The following CPEB3 variants were observed in gnomAD, a reference collection of about 807,000 sequenced individuals.
CPEB3 encodes cytoplasmic polyadenylation element-binding protein 3.
In CPEB3, 20 loss-of-function variants were observed where a neutral mutation model predicts 67.2. That is an observed-to-expected ratio of 0.30 (90% CI 0.21 to 0.43). CPEB3 has a LOEUF of 0.43. Among genes scored for constraint, CPEB3 ranks in the 20% least tolerant of loss-of-function variants. The pLI is 1.00. For synonymous variants in CPEB3, 376 were observed against 393.1 expected (o/e 0.96, Z 0.51); for missense variants, 746 against 968.6 (o/e 0.77, Z 3.05).
intron 2 of CPEB3, among the ~76,000 whole-genome samples, chr10:92,198,383 C>T (rs1001211990): frequency 2.0e-5 from 3 of 152,318 alleles, no homozygotes; most frequent in South Asian, 2.1e-4. Flanking sequence ...CTCACTTGCC[C>T]TTGGTCAATG....
chr10:92,142,277 G>A (rs978982027), intron 6 of CPEB3, among the ~76,000 whole-genome samples: 2 of 152,104 alleles, frequency 1.3e-5, no homozygotes, highest in Admixed American at 6.5e-5. Context: ...ACAATAATAC[G>A]TATCAAAAAG....
At chr10:92,256,296 A>G (rs1852508915) in intron 1 of CPEB3, among the ~76,000 whole-genome samples, 1 of 152,084 alleles carries the variant, frequency 6.6e-6, no homozygotes, top group African/African-American at 2.4e-5. Flanking sequence ...CTAAATCCTG[A>G]GTAATCATTC....
chr10:92,105,553 C>T (rs1844402130), intron 7 of CPEB3, among the ~76,000 whole-genome samples: 1 of 152,156 alleles, frequency 6.6e-6, no homozygotes, highest in South Asian at 2.1e-4. Flanking sequence ...GACACTTCAT[C>T]CAGGAAGTTT....
At chr10:92,181,186 C>T (rs1203661483) in intron 3 of CPEB3, among the ~76,000 whole-genome samples, 167 bp from the exon 4 acceptor site, 1 of 151,542 alleles carries the variant, frequency 6.6e-6, no homozygotes, top group Non-Finnish European at 1.5e-5. Context: ...AAAACATACA[C>T]ATGAAAAGTC....
At position 92,192,536 on chromosome 10, in the gene CPEB3, T is replaced by C. The variant is rs1356967315; in HGVS notation, c.1106A>G (p.Tyr369Cys). 3 of 1,613,572 alleles carry C rather than the reference T, an allele frequency of 1.9e-6. No individual in the cohort carries two copies. Among genetic ancestry groups the C allele is most frequent in the African/African-American group, 2.7e-5 (2 of 74,796 alleles). Residue 369 changes from tyrosine to cysteine, a missense_variant, in exon 3 of 10, where the codon TAC becomes TGC. By Grantham distance (194) the Tyr-to-Cys change is radical. Coordinates refer to ENST00000265997, the MANE Select transcript of CPEB3 (RefSeq NM_014912.5). ...ACTCATTGGTGGGCCACTGGGAGGG[T>C]AGTGTTTACCTTTCAGAGGTTCATG... The part of the protein sequence containing the change: ...TDHEPLKGKH[Y>C]PPSGPPMSFA...
At chr10:92,058,237 G>T (rs1225160243) in intron 9 of CPEB3, among the ~76,000 whole-genome samples, 1 of 152,062 alleles carries the variant, frequency 6.6e-6, no homozygotes, top group East Asian at 1.9e-4. Flanking sequence ...TCAACAAAAG[G>T]ATATCACAAT....
chr10:92,115,995 C>T (rs545922740), intron 6 of CPEB3, among the ~76,000 whole-genome samples: 2,119 of 151,504 alleles, frequency 0.014, 37 homozygotes, highest in African/African-American at 0.048. Context: ...ACAACAGTAT[C>T]AGTTTTCTTG....
chr10:92,101,395 C>T (rs191070210), intron 7 of CPEB3, among the ~76,000 whole-genome samples: 1 of 152,218 alleles, frequency 6.6e-6, no homozygotes, highest in Admixed American at 6.5e-5. Context: ...AAAAACAATA[C>T]TGCAGAACCA....
chr10:92,131,244 C>A, intron 6 of CPEB3, among the ~76,000 whole-genome samples: 1 of 152,150 alleles, frequency 6.6e-6, no homozygotes, highest in East Asian at 1.9e-4. Context: ...CAACACCTAA[C>A]CTCAGCTATA....
chr10:92,123,344 C>T (rs990108952), intron 6 of CPEB3, among the ~76,000 whole-genome samples: 2 of 151,562 alleles, frequency 1.3e-5, no homozygotes, highest in African/African-American at 4.9e-5. Context: ...TGGTCAAACT[C>T]GTTGGGTAAT....
intron 6 of CPEB3, among the ~76,000 whole-genome samples, chr10:92,125,453 G>A (rs1315140640): frequency 2.0e-5 from 3 of 152,230 alleles, no homozygotes; most frequent in African/African-American, 7.2e-5. Flanking sequence ...TTGCACAGCA[G>A]ATGCCAGCTC....
chr10:92,217,206 C>CAAAAAAAAAAAAAAAAA (rs1163974877), intron 2 of CPEB3, among the ~76,000 whole-genome samples: 2 of 25,450 alleles, frequency 7.9e-5, no homozygotes, highest in African/African-American at 3.7e-4. Context: ...GACTCTGCCT[C>CAAAAAAAAAAAAAAAAA]AAAAAAAAAA....
At chr10:92,254,336 CT>C (rs777252082) in intron 1 of CPEB3, among the ~76,000 whole-genome samples, 59 of 152,022 alleles carry the variant, frequency 3.9e-4, no homozygotes, top group Non-Finnish European at 7.9e-4. Context: ...ACCTAGAAAG[CT>C]TTTAAAAATG....
At chr10:92,279,177 T>C (rs529727588) in intron 1 of CPEB3, among the ~76,000 whole-genome samples, 1 of 152,296 alleles carries the variant, frequency 6.6e-6, no homozygotes, top group African/African-American at 2.4e-5. Context: ...TACAGATTTT[T>C]TTGTAGATGC....
intron 6 of CPEB3, among the ~76,000 whole-genome samples, chr10:92,141,292 T>C (rs1846404309): frequency 6.6e-6 from 1 of 151,628 alleles, no homozygotes; most frequent in South Asian, 2.1e-4. Flanking sequence ...CATGGAATAC[T>C]ATGCAGCCAT....
intron 1 of CPEB3, among the ~76,000 whole-genome samples, chr10:92,289,734 T>TAG (rs1564936611): frequency 2.0e-5 from 1 of 48,954 alleles, no homozygotes; most frequent in Non-Finnish European, 3.6e-5. Context: ...AAAAAAAAAA[T>TAG]ATATATATAT....
chr10:92,229,279 C>T (rs1402575678), intron 2 of CPEB3, among the ~76,000 whole-genome samples: 2 of 152,076 alleles, frequency 1.3e-5, no homozygotes, highest in Non-Finnish European at 2.9e-5. Context: ...AGCAGTCCTC[C>T]CACCTTGGCC....
intron 1 of CPEB3, among the ~76,000 whole-genome samples, chr10:92,261,443 T>C (rs907959167): frequency 2.3e-4 from 35 of 151,978 alleles, no homozygotes; most frequent in Middle Eastern, 6.8e-3. Context: ...TTTTCTGTTT[T>C]GTTTTGTTTT....
At chr10:92,126,709 G>A (rs1031314244) in intron 6 of CPEB3, among the ~76,000 whole-genome samples, 2 of 152,128 alleles carry the variant, frequency 1.3e-5, no homozygotes, top group African/African-American at 2.4e-5. Flanking sequence ...ATCATACAGA[G>A]GAGCAAAACA....
Sources: gnomAD v4.1 joint callset for allele counts (sites outside exome capture counted in the v4.1 genomes callset) on GRCh38, gnomAD v4.1.1 for gene constraint, MANE v1.5 for transcripts, NCBI Gene and HGNC (gene_info 2026-07-23, HGNC 2026-07-21) for gene names.